The following KBTBD8 variants were observed in gnomAD, a reference collection of about 807,000 sequenced individuals.
The protein encoded by KBTBD8 is kelch repeat and BTB domain-containing protein 8.
A neutral mutation model predicts 53.5 loss-of-function variants in KBTBD8; 31 were observed. The observed-to-expected ratio is 0.58, with a 90% confidence interval of 0.44 to 0.78. KBTBD8 has a LOEUF of 0.78. Ranked by LOEUF, KBTBD8 falls within the 30% of genes least tolerant of loss-of-function variation. The probability of loss-of-function intolerance (pLI) is 0.00; values close to 1 mark genes in which losing one functional copy is unlikely to be tolerated. For missense variants in KBTBD8, 642 were observed against 735.8 expected (o/e 0.87, Z 1.48); for synonymous variants, 250 against 247.3 (o/e 1.01, Z -0.10).
chr3:67,006,978 C>G (rs1445720580), intron 3 of KBTBD8, among the ~76,000 whole-genome samples: 1 of 152,158 alleles, frequency 6.6e-6, no homozygotes, highest in Non-Finnish European at 1.5e-5. Context: ...TTTTTATTAT[C>G]AAATCAAAAT....
intron 2 of KBTBD8, among the ~76,000 whole-genome samples, chr3:67,000,854 TAGTA>T (rs903096541): frequency 2.5e-4 from 38 of 151,972 alleles, no homozygotes; most frequent in African/African-American, 8.2e-4. Flanking sequence ...GTATAATACT[TAGTA>T]AGCATACATA....
At position 67,008,111 on chromosome 3, in the gene KBTBD8, G is replaced by A. The variant is rs202223775; in HGVS notation, c.1532G>A (p.Arg511His). The A allele has an allele frequency of 3.4e-5, 55 of 1,614,032 alleles. No homozygotes were observed. Among genetic ancestry groups the A allele is most frequent in the Middle Eastern group, 1.7e-4 (1 of 6,060 alleles). Residue 511 changes from arginine (R) to histidine (H), a missense_variant, in exon 4 of 4, where the codon CGT becomes CAT. Coordinates refer to ENST00000417314, the MANE Select transcript of KBTBD8 (RefSeq NM_032505.3). ...GATATTGAGCTAAATAAATGGACTC[G>A]TAAGAAAGACTTTCCATGTGATCAG... ...AYDIELNKWT[R>H]KKDFPCDQSI...
Position 67,003,825 on chromosome 3 carries a change from A to C in KBTBD8, c.858A>C (p.Glu286Asp). 6.2e-7 allele frequency: 1 copy of C among 1,614,190 alleles called. No individual in the cohort carries two copies. The highest frequency in any genetic ancestry group is 8.5e-7 in the Non-Finnish European group (1 of 1,180,032). ...AGAGGCTTGGAATGACTGCTTCTGA[A>C]ATGATCATATGTTTTGATGCTGCCC... ...CTQRLGMTAS[E>D]MIICFDAAHK... The change falls in exon 3 of 4, where the codon GAA becomes GAC. Residue 286 changes from glutamate to aspartate, a missense_variant. Coordinates refer to ENST00000417314, the MANE Select transcript of KBTBD8 (RefSeq NM_032505.3).
At position 67,008,191 on chromosome 3, in the gene KBTBD8, G is replaced by T. The variant is rs755394459; in HGVS notation, c.1612G>T (p.Val538Phe). ...VLFQNKLHLF[V>F]RATQVTVEEH... ...TTTCCAGAACAAACTCCATTTATTT[G>T]TTCGAGCTACTCAAGTGACTGTTGA... Residue 538 changes from valine to phenylalanine, a missense_variant, in exon 4 of 4, where the codon GTT becomes TTT. Transcript: ENST00000417314. The T allele has an allele frequency of 6.2e-7, 1 of 1,614,082 alleles. No homozygotes were observed. The highest frequency in any genetic ancestry group is 1.1e-5 in the South Asian group (1 of 91,078).
At chr3:67,006,460 T>A (rs1244843784) in intron 3 of KBTBD8, among the ~76,000 whole-genome samples, 1 of 152,238 alleles carries the variant, frequency 6.6e-6, no homozygotes, top group Non-Finnish European at 1.5e-5. Context: ...ACATTCAACT[T>A]CTTTGGTGTG....
chr3:66,998,393 G>A, intron 1 of KBTBD8, 22 bp downstream of exon 1: 5 of 1,292,756 alleles, frequency 3.9e-6, no homozygotes, highest in Non-Finnish European at 4.9e-6. Context: ...GGTGGCCAGG[G>A]CGGCGTGGAG....
At chr3:66,999,222 T>A in intron 2 of KBTBD8, 31 bp downstream of exon 2, 2 of 1,548,070 alleles carry the variant, frequency 1.3e-6, no homozygotes, top group Non-Finnish European at 8.9e-7. Context: ...TCTGTTGGTA[T>A]CTGCACCAAG....
intron 2 of KBTBD8, among the ~76,000 whole-genome samples, chr3:67,000,219 A>G (rs1702005011): frequency 6.6e-6 from 1 of 152,160 alleles, no homozygotes; most frequent in Non-Finnish European, 1.5e-5. Context: ...GATGCTTGTG[A>G]TGTAACCGTT....
At chr3:66,998,923 C>A (rs1366024344) in intron 1 of KBTBD8, 58 bp from the exon 2 acceptor site, 2 of 1,357,754 alleles carry the variant, frequency 1.5e-6, no homozygotes, top group East Asian at 5.0e-5. Flanking sequence ...CAGAAAAATC[C>A]CGCGATGCCG....
chr3:67,003,877 G>A lies in KBTBD8; in HGVS notation c.910G>A (p.Val304Met), dbSNP rs1245288560. ...CAAACACTCAGGAAAGAAGCAAACA[G>A]TGCCTTGTCTAGATATAGTCACAGG... The part of the protein sequence containing the change: ...AHKHSGKKQT[V>M]PCLDIVTGRV... Residue 304 changes from valine (V) to methionine (M), a missense_variant, in exon 3 of 4, where the codon GTG (valine) becomes ATG (methionine). Physicochemically the swap from Val to Met is conservative, Grantham distance 21. Coordinates refer to ENST00000417314, the MANE Select transcript of KBTBD8 (RefSeq NM_032505.3). The A allele has an allele frequency of 6.2e-7, 1 of 1,614,048 alleles. No homozygotes were observed. The highest frequency in any genetic ancestry group is 1.3e-5 in the African/African-American group (1 of 74,924).
rs373296169 is a variant in KBTBD8, at chr3:66,999,033, C to T, written c.69C>T (p.Ala23=). ...ATGGGATTCCATCTTCAGACCCAGC[C>T]AGCGATGCCATGGACCCCTTCCATG... is the stretch of plus-strand genomic sequence containing the variant. ...TPNGIPSSDP[A]SDAMDPFHAC... The change falls in exon 2 of 4, where the codon GCC becomes GCT. Residue 23 remains alanine (A), a synonymous_variant. Coordinates refer to ENST00000417314, the MANE Select transcript of KBTBD8 (RefSeq NM_032505.3). 3.1e-6 allele frequency: 5 copies of T among 1,613,930 alleles called. No homozygotes were observed. Among genetic ancestry groups the T allele is most frequent in the African/African-American group, 2.7e-5 (2 of 74,926 alleles).
chr3:67,004,015 G>C lies in KBTBD8; in HGVS notation c.1048G>C (p.Val350Leu). 6.2e-7 allele frequency: 1 copy of C among 1,614,194 alleles called. No individual in the cohort carries two copies. The highest frequency in any genetic ancestry group is 1.1e-5 in the South Asian group (1 of 91,086). Reference sequence around the variant, plus strand: ...AGGGTACAGGCCAAGCAGCAGTGAGGTCTCCATCGACCATAAGGCAGAAAA... The same window carrying C: ...AGGGTACAGGCCAAGCAGCAGTGAGCTCTCCATCGACCATAAGGCAGAAAA... Reference protein sequence around the residue: ...AGGYRPSSSEVSIDHKAENDF... With the variant: ...AGGYRPSSSELSIDHKAENDF... The change falls in exon 3 of 4, where the codon GTC becomes CTC. Residue 350 changes from valine (V) to leucine (L), a missense_variant. By Grantham distance (32) the Val-to-Leu change is conservative (BLOSUM62 1). Coordinates refer to ENST00000417314, the MANE Select transcript of KBTBD8 (RefSeq NM_032505.3).
intron 3 of KBTBD8, among the ~76,000 whole-genome samples, chr3:67,004,962 A>G (rs547280548): frequency 6.6e-6 from 1 of 151,896 alleles, no homozygotes; most frequent in East Asian, 1.9e-4. Context: ...TTGGTTTGCC[A>G]TTTTAAGTGG....
chr3:66,999,995 G>C (rs918350670), intron 2 of KBTBD8, among the ~76,000 whole-genome samples: 1 of 152,138 alleles, frequency 6.6e-6, no homozygotes, highest in Admixed American at 6.5e-5. Context: ...TTTCTGCATG[G>C]GCTTAACTTC....
In KBTBD8 at chr3:67,011,204, T is replaced by C. The variant is rs562170106; in HGVS notation, c.*2819T>C. On this transcript the variant is annotated 3_prime_UTR_variant, in exon 4 of 4. Coordinates refer to ENST00000417314, the MANE Select transcript of KBTBD8 (RefSeq NM_032505.3). ...TTTCTTATAATAAAACCTTTTCTGATTGAAAACTTCCAGTGTTGCAAAGTG... is the reference window on the plus strand; with the variant it reads ...TTTCTTATAATAAAACCTTTTCTGACTGAAAACTTCCAGTGTTGCAAAGTG... 6.5e-6 allele frequency: 1 copy of C among 152,716 alleles called. No individual in the cohort carries two copies. The highest frequency in any genetic ancestry group is 1.9e-4 in the East Asian group (1 of 5,178). 9.5% of individuals were successfully genotyped at this position (152,716 alleles called of 1,614,324 possible).
intron 2 of KBTBD8, among the ~76,000 whole-genome samples, chr3:67,000,001 ACTT>A (rs749230126): frequency 1.3e-5 from 2 of 152,334 alleles, no homozygotes; most frequent in East Asian, 3.9e-4. Flanking sequence ...CATGGGCTTA[ACTT>A]CTTTTGTGTC....
chr3:66,999,681 A>G (rs1701999199), intron 2 of KBTBD8, among the ~76,000 whole-genome samples: 1 of 152,226 alleles, frequency 6.6e-6, no homozygotes, highest in South Asian at 2.1e-4. Context: ...AAAGTTATCC[A>G]TAATGCATGT....
At chr3:67,004,805 A>T (rs1702049800) in intron 3 of KBTBD8, among the ~76,000 whole-genome samples, 1 of 152,216 alleles carries the variant, frequency 6.6e-6, no homozygotes. Flanking sequence ...GTTTTATATA[A>T]GCCTTATTAT....
rs75664614 is a variant in KBTBD8 at position 67,007,218 on chromosome 3, C to G, written c.1343-704C>G. On this transcript the variant is annotated intron_variant, in intron 3 of 3. Coordinates refer to ENST00000417314, the MANE Select transcript of KBTBD8 (RefSeq NM_032505.3). ...TGATGTTACATGTATGCATTTTGGT[C>G]TTACTGGCTGAACGTTACTAATAAT... Among the ~76,000 whole-genome samples the G allele has an allele frequency of 5.9e-5, 9 of 151,952 alleles. No homozygotes were observed. In the East Asian group the frequency reaches 1.5e-3, roughly 26 times the overall value.
Sources: gnomAD v4.1 joint callset for allele counts (sites outside exome capture counted in the v4.1 genomes callset) on GRCh38, gnomAD v4.1.1 for gene constraint, MANE v1.5 for transcripts, NCBI Gene and HGNC (gene_info 2026-07-23, HGNC 2026-07-21) for gene names.